The following KLRG1 variants were observed in gnomAD, a reference collection of about 807,000 sequenced individuals.
KLRG1 encodes killer cell lectin-like receptor subfamily G member 1.
In KLRG1, 16 loss-of-function variants were observed where a neutral mutation model predicts 21.8. That is an observed-to-expected ratio of 0.73 (90% CI 0.50 to 1.11). KLRG1 has a LOEUF of 1.11. KLRG1 is among the 50% of genes most tolerant of loss of function. The probability of loss-of-function intolerance (pLI) is 0.00; values close to 1 mark genes in which losing one functional copy is unlikely to be tolerated. For synonymous variants in KLRG1, 69 were observed against 75.9 expected (o/e 0.91, Z 0.47); for missense variants, 173 against 218.3 (o/e 0.79, Z 1.31).
chr12:9,124,873 C>T, the KLRG1 span, among the ~76,000 whole-genome samples: 2 of 152,224 alleles, frequency 1.3e-5, no homozygotes, highest in Admixed American at 6.5e-5. Flanking sequence ...GGTTGGGATC[C>T]CGGCAGTCAG....
chr12:9,001,419 G>A (rs1379098219), intron 3 of KLRG1, among the ~76,000 whole-genome samples: 4 of 151,996 alleles, frequency 2.6e-5, no homozygotes, highest in African/African-American at 9.7e-5. Flanking sequence ...TCTGTGACCC[G>A]CCCAGCTACA....
the KLRG1 span, among the ~76,000 whole-genome samples, chr12:9,107,842 C>A: frequency 7.2e-5 from 11 of 152,200 alleles, no homozygotes; most frequent in East Asian, 2.1e-3. Context: ...CTGAAATTTA[C>A]ATTCTTCTTT....
At chr12:9,031,339 C>T in the KLRG1 span, among the ~76,000 whole-genome samples, 2 of 152,204 alleles carry the variant, frequency 1.3e-5, no homozygotes, top group Admixed American at 1.3e-4. Context: ...GATCCTTAAA[C>T]AACAATTTCC....
chr12:9,112,490 T>C, the KLRG1 span: 4 of 1,613,718 alleles, frequency 2.5e-6, no homozygotes, highest in East Asian at 4.5e-5. Flanking sequence ...TCCTTTCACT[T>C]GGACAGTGAG....
the KLRG1 span, among the ~76,000 whole-genome samples, chr12:9,187,039 C>T: frequency 7.4e-6 from 1 of 135,732 alleles, no homozygotes; most frequent in Non-Finnish European, 1.6e-5. Flanking sequence ...GGTTGCAATA[C>T]TAATTTCAGA....
chr12:9,048,727 G>A, the KLRG1 span, among the ~76,000 whole-genome samples: 24 of 152,264 alleles, frequency 1.6e-4, no homozygotes, highest in East Asian at 3.5e-3. Context: ...TACAGCTAAC[G>A]TTATAATTAA....
the KLRG1 span, chr12:9,157,714 G>C: frequency 2.0e-6 from 3 of 1,525,214 alleles, no homozygotes; most frequent in South Asian, 1.1e-5. Flanking sequence ...TGGCATTCCA[G>C]ACAGCAAATC....
At chr12:9,177,626 G>A in the KLRG1 span, among the ~76,000 whole-genome samples, 1 of 152,158 alleles carries the variant, frequency 6.6e-6, no homozygotes, top group Non-Finnish European at 1.5e-5. Context: ...AATTAAATAG[G>A]TACATAAATG....
the KLRG1 span, among the ~76,000 whole-genome samples, chr12:9,134,549 G>A: frequency 3.9e-5 from 6 of 152,092 alleles, no homozygotes; most frequent in Non-Finnish European, 8.8e-5. Flanking sequence ...GAAATTTTAT[G>A]TCCATTGATT....
the KLRG1 span, among the ~76,000 whole-genome samples, chr12:9,126,345 T>G: frequency 6.6e-6 from 1 of 152,242 alleles, no homozygotes; most frequent in Non-Finnish European, 1.5e-5. Flanking sequence ...GTAACAACTT[T>G]AGATTTCATA....
chr12:9,057,068 A>T, the KLRG1 span, among the ~76,000 whole-genome samples: 8 of 152,206 alleles, frequency 5.3e-5, no homozygotes, highest in Non-Finnish European at 1.0e-4. Flanking sequence ...CTTACATATC[A>T]ATATACATGT....
chr12:8,955,610 T>G (rs180989402), intron 1 of KLRG1, among the ~76,000 whole-genome samples: 236 of 152,002 alleles, frequency 1.6e-3, no homozygotes, highest in African/African-American at 5.6e-3. Flanking sequence ...CGAGCTGGTC[T>G]TGAATTCCTG....
chr12:9,036,213 T>C, the KLRG1 span: 6 of 152,262 alleles, frequency 3.9e-5, no homozygotes, highest in East Asian at 1.2e-3. Flanking sequence ...TAATTTATTA[T>C]TGAAGAAAGA....
chr12:9,157,220 T>A, the KLRG1 span: 1 of 1,614,154 alleles, frequency 6.2e-7, no homozygotes, highest in Non-Finnish European at 8.5e-7. Flanking sequence ...ATTTCTCTAT[T>A]CTGATTTTGC....
the KLRG1 span, among the ~76,000 whole-genome samples, chr12:9,119,271 A>G: frequency 6.6e-6 from 1 of 152,248 alleles, no homozygotes; most frequent in Non-Finnish European, 1.5e-5. Flanking sequence ...ACTTGGATTA[A>G]TGACTTAAAA....
In KLRG1 at chr12:9,010,203, G is replaced by C; in HGVS notation, c.*666G>C. 1 of 517,282 alleles carries C rather than the reference G, an allele frequency of 1.9e-6. No individual in the cohort carries two copies. The allele number at this position is 517,282 out of a possible 1,614,324, so 32.0% of individuals were successfully genotyped here. ...TCCATCTCTAAAAAAAAAAAAAAATGCTAATGTGAGAATATAAATTGTGGG... is the reference window on the plus strand; with the variant it reads ...TCCATCTCTAAAAAAAAAAAAAAATCCTAATGTGAGAATATAAATTGTGGG... On this transcript the variant is annotated 3_prime_UTR_variant, in exon 5 of 5. Transcript: ENST00000356986.
the KLRG1 span, chr12:9,160,404 C>A: frequency 6.2e-7 from 1 of 1,613,998 alleles, no homozygotes; most frequent in Non-Finnish European, 8.5e-7. Context: ...ATGTTAGGAG[C>A]AAATAGGACC....
the KLRG1 span, chr12:9,203,813 A>G: frequency 6.2e-7 from 1 of 1,614,014 alleles, no homozygotes; most frequent in Non-Finnish European, 8.5e-7. Flanking sequence ...CCACCAGGTC[A>G]GTGAAGAGGC....
the KLRG1 span, chr12:9,203,756 C>T: frequency 2.9e-5 from 46 of 1,613,616 alleles, no homozygotes; most frequent in Admixed American, 7.3e-4. Context: ...CAGCTGGCAC[C>T]GTAGCACTCA....
Sources: gnomAD v4.1 joint callset for allele counts (sites outside exome capture counted in the v4.1 genomes callset) on GRCh38, gnomAD v4.1.1 for gene constraint, MANE v1.5 for transcripts, NCBI Gene and HGNC (gene_info 2026-07-23, HGNC 2026-07-21) for gene names.